Variants in MGAM observed in about 807,000 individuals in gnomAD.
MGAM encodes maltase-glucoamylase, also known as alpha-1,4-glucosidase.
MGAM carries 253 observed loss-of-function variants against 358.8 expected under a neutral mutation model. The ratio of observed to expected loss-of-function variants is 0.71; its 90% CI spans 0.64 to 0.78. The LOEUF is 0.78. MGAM is among the 30% of genes least tolerant of loss of function. The probability of loss-of-function intolerance (pLI) is 0.00; values close to 1 mark genes in which losing one functional copy is unlikely to be tolerated. For missense variants in MGAM, 3,080 were observed against 3,432.6 expected (o/e 0.90, Z 2.57); for synonymous variants, 1,105 against 1,227.1 (o/e 0.90, Z 2.08).
intron 67 of MGAM, 88 bp from the exon 68 acceptor site, chr7:142,100,714 C>T: frequency 8.8e-7 from 1 of 1,136,860 alleles, no homozygotes; most frequent in Non-Finnish European, 1.3e-6. Context: ...AAAGCACTTC[C>T]CTTTGCTGCT....
intron 3 of MGAM, among the ~76,000 whole-genome samples, chr7:142,010,269 A>T (rs1805503396): frequency 6.6e-6 from 1 of 151,992 alleles, no homozygotes; most frequent in African/African-American, 2.4e-5. Context: ...TCTAGTTCGG[A>T]TCTTTAGTTC....
chr7:142,057,083 A>G (rs1811626269), intron 30 of MGAM, 141 bp downstream of exon 30: 3 of 757,008 alleles, frequency 4.0e-6, no homozygotes, highest in Non-Finnish European at 6.2e-6. Context: ...GAGAAAAAAT[A>G]AATACATTCT....
chr7:142,103,476 A>T (rs1207160461), intron 70 of MGAM, 37 bp downstream of exon 70: 11 of 1,541,130 alleles, frequency 7.1e-6, no homozygotes, highest in African/African-American at 1.4e-5. Flanking sequence ...GGTATTCTCC[A>T]CCCTTAATAT....
In MGAM at chr7:142,055,590, G is replaced by A. The variant is rs3024261; in HGVS notation, c.3347G>A (p.Ser1116Asn). 5.0e-6 allele frequency: 8 copies of A among 1,613,886 alleles called. No individual in the cohort carries two copies. The highest frequency in any genetic ancestry group is 6.8e-6 in the Non-Finnish European group (8 of 1,179,862). ...WDSQLLGFTFSDMFIRISTRL... is the reference protein window; with the variant it reads ...WDSQLLGFTFNDMFIRISTRL... ...TCTCAGCTCCTTGGCTTTACCTTCA[G>A]TGACATGTTTATCCGCATCTCCACC... The change falls in exon 28 of 71, where the codon AGT (serine) becomes AAT (asparagine). Residue 1116 changes from serine to asparagine, a missense_variant. By Grantham distance (46) the Ser-to-Asn change is conservative. Transcript: ENST00000475668.
intron 34 of MGAM, among the ~76,000 whole-genome samples, chr7:142,061,743 T>G (rs1389212122): frequency 6.6e-6 from 1 of 152,192 alleles, no homozygotes; most frequent in Non-Finnish European, 1.5e-5. Flanking sequence ...ACAAACAACA[T>G]GAGTATATTA....
chr7:142,007,003 A>G (rs1172513775), intron 2 of MGAM, among the ~76,000 whole-genome samples: 2 of 152,098 alleles, frequency 1.3e-5, no homozygotes, highest in Non-Finnish European at 2.9e-5. Context: ...TTGTCCCCAT[A>G]AACTTTTTGT....
intron 47 of MGAM, 86 bp downstream of exon 47, chr7:142,076,912 T>A: frequency 7.1e-7 from 1 of 1,400,944 alleles, no homozygotes; most frequent in East Asian, 2.4e-5. Context: ...CATGGGTCCC[T>A]GAAGTACCAG....
chr7:142,088,083 AGG>A, intron 57 of MGAM, among the ~76,000 whole-genome samples: 2 of 146,390 alleles, frequency 1.4e-5, no homozygotes, highest in Admixed American at 1.4e-4. Flanking sequence ...ATCTGGAGCC[AGG>A]GACTGAGGCC....
intron 3 of MGAM, among the ~76,000 whole-genome samples, chr7:142,011,139 T>C (rs1554454243): frequency 1.3e-5 from 2 of 152,184 alleles, no homozygotes; most frequent in East Asian, 3.9e-4. Flanking sequence ...CACAGTTGAT[T>C]TCCAAGGATA....
At chr7:142,104,116 T>G (rs1816659169) in intron 70 of MGAM, among the ~76,000 whole-genome samples, 1 of 152,224 alleles carries the variant, frequency 6.6e-6, no homozygotes, top group South Asian at 2.1e-4. Context: ...CCTCCCAAAG[T>G]GCTGAGATTA....
chr7:142,008,624 T>A lies in MGAM; in HGVS notation c.246T>A (p.Gly82=), dbSNP rs782570395. ...GTCCCCCAGATCCTGGAACAACTGG[T>A]ACCACTCCTGTTTCTGCTGAATGTC... is the stretch of plus-strand genomic sequence containing the variant. ...TTGPPDPGTT[G]TTPVSAECPV... is the part of the protein sequence containing the mutation. Residue 82 remains glycine (G), a synonymous_variant, in exon 3 of 71, where the codon GGT becomes GGA. Coordinates refer to ENST00000475668, the MANE Select transcript of MGAM (RefSeq NM_001365693.1). The A allele has an allele frequency of 7.4e-6, 12 of 1,613,450 alleles. No individual in the cohort carries two copies. In the South Asian group the frequency reaches 1.3e-4, roughly 18 times the overall value.
At chr7:142,089,115 C>T (rs1033355196) in intron 57 of MGAM, among the ~76,000 whole-genome samples, 5 of 145,726 alleles carry the variant, frequency 3.4e-5, no homozygotes, top group African/African-American at 9.8e-5. Flanking sequence ...GTGGTCCAAG[C>T]AGCCCACATG....
In MGAM at chr7:142,031,798, G is replaced by A. The variant is rs781912894; in HGVS notation, c.1584+5G>A. 1 of 1,565,880 alleles carries A rather than the reference G, an allele frequency of 6.4e-7. No homozygotes were observed. Among genetic ancestry groups the A allele is most frequent in the Admixed American group, 1.7e-5 (1 of 59,826 alleles). On this transcript the variant is annotated splice_donor_5th_base_variant and intron_variant, in intron 13 of 70. Transcript: ENST00000475668. Reference sequence around the variant, plus strand: ...GAGTTTGATGGAATCTGGATTGTGAGTTGTTTACACTTGGATTATTAGGTG... The same window carrying A: ...GAGTTTGATGGAATCTGGATTGTGAATTGTTTACACTTGGATTATTAGGTG...
In MGAM at chr7:142,055,642, C is replaced by A. The variant is rs1379336899; in HGVS notation, c.3399C>A (p.Gly1133=). 4 of 1,613,818 alleles carry A rather than the reference C, an allele frequency of 2.5e-6. No homozygotes were observed. Among genetic ancestry groups the A allele is most frequent in the Non-Finnish European group, 2.5e-6 (3 of 1,179,874 alleles). Residue 1133 remains glycine, a synonymous_variant, in exon 28 of 71, where the codon GGC becomes GGA. Coordinates refer to ENST00000475668, the MANE Select transcript of MGAM (RefSeq NM_001365693.1). The part of the protein sequence containing the change: ...STRLPSKYLY[G]FGETEHRSYR... Reference sequence around the variant, plus strand: ...GCCTTCCCTCCAAGTACCTCTATGGCTTTGGGGAAACTGAGCACAGGTCCT... The same window carrying A: ...GCCTTCCCTCCAAGTACCTCTATGGATTTGGGGAAACTGAGCACAGGTCCT...
intron 21 of MGAM, among the ~76,000 whole-genome samples, chr7:142,046,140 T>TTATA (rs1036182269): frequency 6.9e-6 from 1 of 145,422 alleles, no homozygotes; most frequent in African/African-American, 2.5e-5. Context: ...TATTTATATA[T>TTATA]TATATATATA....
At chr7:142,041,857 C>A (rs1326980931) in intron 21 of MGAM, among the ~76,000 whole-genome samples, 1 of 108,432 alleles carries the variant, frequency 9.2e-6, no homozygotes, top group African/African-American at 3.5e-5. Flanking sequence ...AGTTTCTGGT[C>A]ATTTTATATA....
intron 2 of MGAM, among the ~76,000 whole-genome samples, chr7:141,990,775 C>T (rs782766608): frequency 6.6e-6 from 1 of 152,158 alleles, no homozygotes; most frequent in African/African-American, 2.4e-5. Context: ...TGGTGCGCTG[C>T]ACCGGTTCTG....
rs188769349 is a variant in MGAM, at chr7:142,079,935, C to T, written c.5848-856C>T. ...AATGGGTTTGAAGTGAATGAACTTC[C>T]TTGGAGTTCTAGCCTTAACCATTGA... On this transcript the variant is annotated intron_variant, in intron 49 of 70. Coordinates refer to ENST00000475668, the MANE Select transcript of MGAM (RefSeq NM_001365693.1). 8.2e-5 allele frequency among the ~76,000 whole-genome samples: 12 copies of T among 146,508 alleles called. 1 individual carries two copies. The highest frequency in any genetic ancestry group is 4.8e-4 in the Admixed American group (7 of 14,594).
At chr7:142,068,346 TC>T (rs1421665250) in intron 42 of MGAM, among the ~76,000 whole-genome samples, 1 of 143,636 alleles carries the variant, frequency 7.0e-6, no homozygotes, top group Non-Finnish European at 1.6e-5. Flanking sequence ...AGACACAACC[TC>T]CCTTGTTTGT....
Sources: gnomAD v4.1 joint callset for allele counts (sites outside exome capture counted in the v4.1 genomes callset) on GRCh38, gnomAD v4.1.1 for gene constraint, MANE v1.5 for transcripts, NCBI Gene and HGNC (gene_info 2026-07-23, HGNC 2026-07-21) for gene names.